The following TASP1 variants were observed in gnomAD, a reference collection of about 807,000 sequenced individuals.
TASP1 encodes the protein taspase 1.
In TASP1, 16 loss-of-function variants were observed where a neutral mutation model predicts 56.6. The ratio of observed to expected loss-of-function variants is 0.28; its 90% CI spans 0.19 to 0.43. The LOEUF (loss-of-function observed/expected upper bound fraction) is 0.43. Among genes scored for constraint, TASP1 ranks in the 20% least tolerant of loss-of-function variants. The pLI is 1.00. For synonymous variants in TASP1, 179 were observed against 184.2 expected, an observed-to-expected ratio of 0.97 and a Z score of 0.23; for missense variants, 393 against 511.6, an observed-to-expected ratio of 0.77 and a Z score of 2.24.
At chr20:13,172,500 T>C in the TASP1 span, among the ~76,000 whole-genome samples, 1 of 152,158 alleles carries the variant, frequency 6.6e-6, no homozygotes, top group South Asian at 2.1e-4. Context: ...ATGATGTCCA[T>C]TTATAGTGAT....
chr20:13,467,239 C>T (rs1600887696), intron 11 of TASP1, among the ~76,000 whole-genome samples: 1 of 149,830 alleles, frequency 6.7e-6, no homozygotes, highest in African/African-American at 2.5e-5. Flanking sequence ...CTTTTTTTTC[C>T]TAAGGCACTC....
chr20:13,510,572 GA>G (rs2044291227), intron 10 of TASP1, among the ~76,000 whole-genome samples: 2 of 152,056 alleles, frequency 1.3e-5, no homozygotes, highest in African/African-American at 4.8e-5. Flanking sequence ...AAAATTACAT[GA>G]TTTTTTTAAC....
intron 11 of TASP1, among the ~76,000 whole-genome samples, chr20:13,438,260 C>T (rs2043082960): frequency 6.6e-6 from 1 of 152,168 alleles, no homozygotes; most frequent in African/African-American, 2.4e-5. Context: ...AACTATACTA[C>T]AAGGCTACAG....
the TASP1 span, among the ~76,000 whole-genome samples, chr20:13,181,031 AG>A: frequency 1.3e-5 from 2 of 152,182 alleles, no homozygotes; most frequent in Non-Finnish European, 2.9e-5. Flanking sequence ...GGTTACCTGT[AG>A]GTTAGTGAAC....
intron 10 of TASP1, among the ~76,000 whole-genome samples, chr20:13,500,160 T>C (rs2043891687): frequency 6.6e-6 from 1 of 151,170 alleles, no homozygotes; most frequent in African/African-American, 2.4e-5. Context: ...AAATGTTTTA[T>C]ATGTATAAAG....
the TASP1 span, among the ~76,000 whole-genome samples, chr20:13,125,924 G>A: frequency 1.3e-5 from 2 of 152,192 alleles, no homozygotes; most frequent in Admixed American, 6.5e-5. Context: ...GACAGTGAGA[G>A]AATTACAGCT....
At chr20:13,241,092 T>C in the TASP1 span, among the ~76,000 whole-genome samples, 1 of 152,092 alleles carries the variant, frequency 6.6e-6, no homozygotes, top group African/African-American at 2.4e-5. Context: ...TATCGAATGC[T>C]GCTGTGAGAA....
chr20:13,558,936 TA>T, intron 8 of TASP1, 71 bp downstream of exon 8: 1 of 994,656 alleles, frequency 1.0e-6, no homozygotes, highest in Non-Finnish European at 1.5e-6. Context: ...TGTATCGTCC[TA>T]AAGCTTGTAT....
intron 11 of TASP1, among the ~76,000 whole-genome samples, chr20:13,462,424 C>T (rs775872586): frequency 2.6e-5 from 4 of 152,064 alleles, no homozygotes; most frequent in Non-Finnish European, 4.4e-5. Flanking sequence ...TAAAGAAAAG[C>T]GAAGTATAAT....
the TASP1 span, among the ~76,000 whole-genome samples, chr20:13,196,985 A>C: frequency 6.6e-6 from 1 of 152,194 alleles, no homozygotes; most frequent in African/African-American, 2.4e-5. Flanking sequence ...TAGATTGAAA[A>C]CATACTTGAT....
the TASP1 span, among the ~76,000 whole-genome samples, chr20:13,160,719 A>G: frequency 1.3e-5 from 2 of 152,376 alleles, no homozygotes; most frequent in Non-Finnish European, 2.9e-5. Flanking sequence ...TTTTGCAAAC[A>G]CTATTGAGAG....
At chr20:13,259,423 A>T in the TASP1 span, among the ~76,000 whole-genome samples, 1 of 152,216 alleles carries the variant, frequency 6.6e-6, no homozygotes, top group Non-Finnish European at 1.5e-5. Context: ...CTGTAATCTA[A>T]ATTTGAAGAC....
chr20:13,272,094 T>G, the TASP1 span, among the ~76,000 whole-genome samples: 7 of 152,208 alleles, frequency 4.6e-5, no homozygotes, highest in Non-Finnish European at 1.0e-4. Flanking sequence ...TTGTAAGCTT[T>G]GCTTCCAATT....
chr20:13,155,172 A>G, the TASP1 span, among the ~76,000 whole-genome samples: 1 of 152,016 alleles, frequency 6.6e-6, no homozygotes, highest in Non-Finnish European at 1.5e-5. Context: ...TGGGTGACAG[A>G]ATGAGACCCT....
the TASP1 span, among the ~76,000 whole-genome samples, chr20:13,220,258 C>G: frequency 8.5e-5 from 13 of 152,184 alleles, no homozygotes; most frequent in Admixed American, 6.5e-5. Flanking sequence ...GGCGGGAGCC[C>G]GAGCAAGGTC....
chr20:13,599,512 C>T (rs1271294551), intron 4 of TASP1, among the ~76,000 whole-genome samples: 1 of 152,138 alleles, frequency 6.6e-6, no homozygotes, highest in African/African-American at 2.4e-5. Flanking sequence ...GAACATCACA[C>T]ACCAGGGCCT....
At chr20:13,438,179 A>G (rs2043078876) in intron 11 of TASP1, among the ~76,000 whole-genome samples, 1 of 152,204 alleles carries the variant, frequency 6.6e-6, no homozygotes, top group South Asian at 2.1e-4. Context: ...GGAACCAAAA[A>G]GGAGCCCGCA....
chr20:13,630,595 C>A (rs1329172763), intron 1 of TASP1, among the ~76,000 whole-genome samples: 1 of 144,760 alleles, frequency 6.9e-6, no homozygotes, highest in Non-Finnish European at 1.5e-5. Flanking sequence ...GAGGCTGAGG[C>A]AGAAGAATCA....
intron 2 of TASP1, among the ~76,000 whole-genome samples, chr20:13,626,448 CAT>C (rs563806275): frequency 5.3e-5 from 8 of 152,220 alleles, no homozygotes; most frequent in South Asian, 4.1e-4. Flanking sequence ...CAAACAAACA[CAT>C]GTTTTCCATT....
Sources: gnomAD v4.1 joint callset for allele counts (sites outside exome capture counted in the v4.1 genomes callset) on GRCh38, gnomAD v4.1.1 for gene constraint, MANE v1.5 for transcripts, NCBI Gene and HGNC (gene_info 2026-07-23, HGNC 2026-07-21) for gene names.